PDE4D: variants seen among roughly 807,000 people sequenced by gnomAD.
PDE4D encodes 3',5'-cyclic-AMP phosphodiesterase 4D.
PDE4D carries 24 observed loss-of-function variants against 87.4 expected under a neutral mutation model. That is an observed-to-expected ratio of 0.27 (90% CI 0.20 to 0.39). PDE4D has a LOEUF of 0.39. Ranked by LOEUF, PDE4D falls within the 10% of genes least tolerant of loss-of-function variation. The pLI is 1.00. For synonymous variants in PDE4D, 384 were observed against 383.2 expected (o/e 1.00, Z -0.02); for missense variants, 714 against 1,041.0 (o/e 0.69, Z 4.32).
intron 1 of PDE4D, among the ~76,000 whole-genome samples, chr5:59,218,469 AT>A (rs1751749027): frequency 5.9e-5 from 9 of 152,290 alleles, no homozygotes; most frequent in African/African-American, 1.9e-4. Flanking sequence ...GATAGTTATG[AT>A]ATTTTTAAAT....
intron 1 of PDE4D, among the ~76,000 whole-genome samples, chr5:59,389,923 T>A (rs2607344): frequency 6.6e-6 from 1 of 152,026 alleles, no homozygotes; most frequent in African/African-American, 2.4e-5. Context: ...TAAGTTCTAG[T>A]GTTCGATAAC....
intron 1 of PDE4D, among the ~76,000 whole-genome samples, chr5:59,619,678 G>A (rs945415323): frequency 1.3e-5 from 2 of 152,180 alleles, no homozygotes; most frequent in African/African-American, 4.8e-5. Flanking sequence ...ACAAACTGCA[G>A]GCTGTTAGCT....
chr5:59,441,954 A>G (rs938026051), intron 1 of PDE4D, among the ~76,000 whole-genome samples: 2 of 152,222 alleles, frequency 1.3e-5, no homozygotes, highest in Admixed American at 1.3e-4. Flanking sequence ...GAAAAAACAC[A>G]CTTAATAGTA....
chr5:59,062,707 T>TTTC (rs894146566), intron 5 of PDE4D, among the ~76,000 whole-genome samples: 3 of 151,478 alleles, frequency 2.0e-5, no homozygotes, highest in African/African-American at 7.3e-5. Flanking sequence ...CATGTGGTTT[T>TTTC]TTTTTTTTTT....
chr5:59,625,576 T>C (rs1359607654), intron 1 of PDE4D, among the ~76,000 whole-genome samples: 1 of 152,078 alleles, frequency 6.6e-6, no homozygotes, highest in Non-Finnish European at 1.5e-5. Context: ...AAAAAAAGAC[T>C]ATAGCCAAAA....
At position 59,120,629 on chromosome 5, in the gene PDE4D, C is replaced by T. The variant is rs1003289517; in HGVS notation, c.808+59966G>A. On this transcript the variant is annotated intron_variant, in intron 5 of 14. Coordinates refer to ENST00000340635, the MANE Select transcript of PDE4D (RefSeq NM_001104631.2). ...CTCAAAGCAATCTACAGATTCAATG[C>T]AATCCCTATCAAAACCAATGTCATT... 1.8e-4 allele frequency among the ~76,000 whole-genome samples: 27 copies of T among 151,708 alleles called. 1 individual carries two copies. Among genetic ancestry groups the T allele is most frequent in the Non-Finnish European group, 2.9e-5 (2 of 67,946 alleles).
intron 1 of PDE4D, among the ~76,000 whole-genome samples, chr5:59,721,583 G>A (rs1281297472): frequency 6.6e-6 from 1 of 152,076 alleles, no homozygotes; most frequent in East Asian, 1.9e-4. Flanking sequence ...ATTTTCCAAG[G>A]TAGGCTGGGT....
chr5:60,366,919 A>C (rs1326862349), intron 1 of PDE4D, among the ~76,000 whole-genome samples: 1 of 152,212 alleles, frequency 6.6e-6, no homozygotes, highest in East Asian at 1.9e-4. Context: ...TTAATCTCTT[A>C]AATGAAACAG....
At chr5:59,230,448 G>T (rs1032681085) in intron 1 of PDE4D, among the ~76,000 whole-genome samples, 1 of 152,074 alleles carries the variant, frequency 6.6e-6, no homozygotes, top group Admixed American at 6.6e-5. Context: ...GGCTATTTGG[G>T]TATTTAGGCT....
intron 1 of PDE4D, among the ~76,000 whole-genome samples, chr5:59,527,876 C>T (rs1179411305): frequency 6.6e-6 from 1 of 152,170 alleles, no homozygotes; most frequent in East Asian, 1.9e-4. Context: ...CTGATGCACC[C>T]TTACTTTCAT....
chr5:60,436,488 T>G (rs1744768620), intron 1 of PDE4D, among the ~76,000 whole-genome samples: 1 of 152,112 alleles, frequency 6.6e-6, no homozygotes, highest in Non-Finnish European at 1.5e-5. Context: ...TGTATTTGTA[T>G]TTAAAAATTA....
Position 59,293,460 on chromosome 5 carries a change from A to T in PDE4D, c.456-77492T>A, listed in dbSNP as rs143383716. 3.4e-3 allele frequency among the ~76,000 whole-genome samples: 524 copies of T among 152,278 alleles called. 4 individuals carry two copies. The highest frequency in any genetic ancestry group is 0.012 in the African/African-American group (498 of 41,574). ...TATTTCAATTAGAGAAACTAGAACCATGAAAAGAAGATTTCAGCCCTAAGG... is the reference window on the plus strand; with the variant it reads ...TATTTCAATTAGAGAAACTAGAACCTTGAAAAGAAGATTTCAGCCCTAAGG... On this transcript the variant is annotated intron_variant, in intron 1 of 14. Coordinates refer to ENST00000340635, the MANE Select transcript of PDE4D (RefSeq NM_001104631.2).
intron 5 of PDE4D, among the ~76,000 whole-genome samples, chr5:59,048,341 T>C (rs555184333): frequency 2.7e-4 from 41 of 152,264 alleles, no homozygotes; most frequent in Non-Finnish European, 5.6e-4. Flanking sequence ...TTCCATCATA[T>C]ACTATCAATC....
At chr5:60,457,300 T>C (rs1746549949) in intron 1 of PDE4D, among the ~76,000 whole-genome samples, 1 of 152,216 alleles carries the variant, frequency 6.6e-6, no homozygotes, top group South Asian at 2.1e-4. Context: ...TTTTCTAATG[T>C]ACTCCCAAAA....
At chr5:59,515,190 C>A (rs1309178579) in intron 1 of PDE4D, among the ~76,000 whole-genome samples, 4 of 152,192 alleles carry the variant, frequency 2.6e-5, no homozygotes, top group African/African-American at 9.7e-5. Context: ...GATATCTAAT[C>A]TTGATGGTGA....
intron 1 of PDE4D, among the ~76,000 whole-genome samples, chr5:60,336,327 C>A (rs1211270733): frequency 6.6e-6 from 1 of 152,018 alleles, no homozygotes; most frequent in African/African-American, 2.4e-5. Context: ...TAATTGTTAC[C>A]AACTTGAATT....
intron 1 of PDE4D, among the ~76,000 whole-genome samples, chr5:59,409,658 C>A (rs529885956): frequency 3.4e-4 from 52 of 152,300 alleles, no homozygotes; most frequent in Non-Finnish European, 6.9e-4. Context: ...TCCCTGAGGC[C>A]TCCCCAGAAG....
At chr5:60,157,973 G>T (rs1014928151) in intron 2 of PDE4D, among the ~76,000 whole-genome samples, 1 of 147,670 alleles carries the variant, frequency 6.8e-6, no homozygotes, top group Non-Finnish European at 1.5e-5. Flanking sequence ...CTCTAGCATT[G>T]AGGGTATGCT....
At chr5:60,340,625 A>C (rs933762166) in intron 1 of PDE4D, among the ~76,000 whole-genome samples, 1 of 146,540 alleles carries the variant, frequency 6.8e-6, no homozygotes, top group East Asian at 2.0e-4. Flanking sequence ...AAAAAAAAAA[A>C]ACCACAAGTA....
Sources: gnomAD v4.1 joint callset for allele counts (sites outside exome capture counted in the v4.1 genomes callset) on GRCh38, gnomAD v4.1.1 for gene constraint, MANE v1.5 for transcripts, NCBI Gene and HGNC (gene_info 2026-07-23, HGNC 2026-07-21) for gene names.